The following DRC2 variants were observed in gnomAD, a reference collection of about 807,000 sequenced individuals.
The protein encoded by DRC2 is dynein regulatory complex subunit 2.
At chr12:48,905,391 A>T in the DRC2 span, among the ~76,000 whole-genome samples, 1 of 152,232 alleles carries the variant, frequency 6.6e-6, no homozygotes, top group Non-Finnish European at 1.5e-5. Context: ...ACTTGAAATG[A>T]GTCCCACACC....
At chr12:48,911,065 T>C in the DRC2 span, among the ~76,000 whole-genome samples, 1 of 152,188 alleles carries the variant, frequency 6.6e-6, no homozygotes, top group Admixed American at 6.5e-5. Context: ...TACAACCGCA[T>C]AGTATTCTGT....
the DRC2 span, among the ~76,000 whole-genome samples, chr12:48,919,795 C>A: frequency 6.6e-6 from 1 of 151,922 alleles, no homozygotes; most frequent in South Asian, 2.1e-4. Context: ...GGATTACAGG[C>A]GTGAGCCACC....
At chr12:48,912,240 G>A in the DRC2 span, among the ~76,000 whole-genome samples, 1 of 151,124 alleles carries the variant, frequency 6.6e-6, no homozygotes, top group Non-Finnish European at 1.5e-5. Context: ...CAGCCTGGGC[G>A]ACAGAGTGAG....
chr12:48,918,192 C>A, the DRC2 span: 16 of 1,313,206 alleles, frequency 1.2e-5, no homozygotes, highest in Non-Finnish European at 1.7e-5. Flanking sequence ...ACAAACAGTT[C>A]AAGAGGGTGG....
At chr12:48,921,088 G>A in the DRC2 span, 1 of 1,611,064 alleles carries the variant, frequency 6.2e-7, no homozygotes, top group Non-Finnish European at 8.5e-7. Context: ...CCAAGGTAAA[G>A]CCCGGGGGAT....
the DRC2 span, chr12:48,918,051 C>G: frequency 2.4e-5 from 12 of 495,146 alleles, no homozygotes; most frequent in Admixed American, 4.1e-4. Flanking sequence ...GTGACTGCCC[C>G]TCCTCCTCCC....
the DRC2 span, among the ~76,000 whole-genome samples, chr12:48,908,850 C>T: frequency 9.9e-5 from 15 of 151,724 alleles, no homozygotes; most frequent in African/African-American, 3.4e-4. Flanking sequence ...ATCCACCTGC[C>T]TCGGCCTCCT....
the DRC2 span, among the ~76,000 whole-genome samples, chr12:48,915,366 G>A: frequency 1.4e-5 from 2 of 143,076 alleles, no homozygotes; most frequent in African/African-American, 5.2e-5. Flanking sequence ...ATCTTGCACC[G>A]CCCTTAATCC....
At chr12:48,918,178 T>C in the DRC2 span, 9 of 1,142,132 alleles carry the variant, frequency 7.9e-6, no homozygotes, top group Admixed American at 1.3e-4. Context: ...TACTAAACTA[T>C]GCTACAAACA....
chr12:48,907,726 A>C, the DRC2 span, among the ~76,000 whole-genome samples: 1 of 152,172 alleles, frequency 6.6e-6, no homozygotes, highest in African/African-American at 2.4e-5. Context: ...TCTCTATGGC[A>C]CTGACATTCT....
the DRC2 span, among the ~76,000 whole-genome samples, chr12:48,911,017 A>C: frequency 6.6e-6 from 1 of 152,128 alleles, no homozygotes; most frequent in Non-Finnish European, 1.5e-5. Flanking sequence ...TATATGTAAG[A>C]GATTGTTCCA....
chr12:48,912,041 C>T, the DRC2 span, among the ~76,000 whole-genome samples: 1 of 151,706 alleles, frequency 6.6e-6, no homozygotes, highest in African/African-American at 2.4e-5. Flanking sequence ...TGGCGGATCA[C>T]GAGGTCAGGA....
the DRC2 span, chr12:48,918,664 T>A: frequency 6.2e-7 from 1 of 1,605,922 alleles, no homozygotes; most frequent in Non-Finnish European, 8.5e-7. Context: ...AGATTTCCCC[T>A]AATCTACTCT....
chr12:48,910,000 G>C, the DRC2 span, among the ~76,000 whole-genome samples: 1 of 151,726 alleles, frequency 6.6e-6, no homozygotes, highest in Non-Finnish European at 1.5e-5. Context: ...GGTTGGTCTG[G>C]AACTCCTGAC....
chr12:48,908,570 GATTATT>G, the DRC2 span, among the ~76,000 whole-genome samples: 792 of 141,048 alleles, frequency 5.6e-3, 8 homozygotes, highest in African/African-American at 0.014. Flanking sequence ...GAACTACCAG[GATTATT>G]ATTATTATTA....
At chr12:48,921,079 C>A in the DRC2 span, 596,111 of 1,609,902 alleles carry the variant, frequency 0.37, 114,947 homozygotes, top group Admixed American at 0.52. Context: ...AGGAGCTCAC[C>A]AAGGTAAAGC....
chr12:48,905,194 C>T, the DRC2 span: 1 of 1,247,976 alleles, frequency 8.0e-7, no homozygotes, highest in Non-Finnish European at 1.1e-6. Flanking sequence ...CATCTTAAAG[C>T]CCTCACAAGA....
the DRC2 span, chr12:48,921,218 A>C: frequency 1.2e-6 from 2 of 1,614,098 alleles, no homozygotes; most frequent in Admixed American, 3.3e-5. Context: ...GGTACAACAA[A>C]GTGAAACTGG....
the DRC2 span, among the ~76,000 whole-genome samples, chr12:48,920,259 T>C: frequency 1.5e-4 from 23 of 148,504 alleles, no homozygotes; most frequent in Non-Finnish European, 3.4e-4. Flanking sequence ...CTGACCAACA[T>C]GGAGAAACTC....
Sources: gnomAD v4.1 joint callset for allele counts (sites outside exome capture counted in the v4.1 genomes callset) on GRCh38, gnomAD v4.1.1 for gene constraint, MANE v1.5 for transcripts, NCBI Gene and HGNC (gene_info 2026-07-23, HGNC 2026-07-21) for gene names.